Variants in SYT1 observed in about 807,000 individuals in gnomAD.
The protein encoded by SYT1 is synaptotagmin-1.
Under a neutral mutation model 44.8 loss-of-function variants are expected in SYT1, and 8 were observed. The observed-to-expected ratio is 0.18, with a 90% CI of 0.10 to 0.32. The LOEUF is 0.32. Among genes scored for constraint, SYT1 ranks in the 10% least tolerant of loss-of-function variants. The probability of loss-of-function intolerance (pLI) is 1.00; values close to 1 mark genes in which losing one functional copy is unlikely to be tolerated. For synonymous variants in SYT1, 154 were observed against 188.8 expected (o/e 0.82, Z 1.51); for missense variants, 286 against 509.3 (o/e 0.56, Z 4.22).
intron 3 of SYT1, among the ~76,000 whole-genome samples, chr12:79,066,519 G>A (rs1349995716): frequency 6.6e-6 from 1 of 151,668 alleles, no homozygotes; most frequent in African/African-American, 2.4e-5. Context: ...GTGACATGGA[G>A]GCCATATCAT....
chr12:78,994,485 CCTT>C (rs1412228669), intron 2 of SYT1, among the ~76,000 whole-genome samples: 10 of 141,092 alleles, frequency 7.1e-5, no homozygotes, highest in African/African-American at 2.7e-4. Flanking sequence ...TTTTTCTTCT[CCTT>C]TTTTTTTTTT....
intron 1 of SYT1, among the ~76,000 whole-genome samples, chr12:78,941,105 G>T (rs541427137): frequency 8.5e-6 from 1 of 118,274 alleles, no homozygotes; most frequent in Non-Finnish European, 1.6e-5. Context: ...TCGCTCTGTC[G>T]CCCAGGTGGA....
At chr12:79,180,139 C>T (rs1441380458) in intron 3 of SYT1, among the ~76,000 whole-genome samples, 1 of 151,996 alleles carries the variant, frequency 6.6e-6, no homozygotes, top group Non-Finnish European at 1.5e-5. Context: ...GCCAAATTTC[C>T]CTCTATTAGA....
At chr12:79,011,815 A>G (rs1450483231) in intron 2 of SYT1, among the ~76,000 whole-genome samples, 2 of 152,106 alleles carry the variant, frequency 1.3e-5, no homozygotes, top group Non-Finnish European at 2.9e-5. Context: ...AAATATAAAC[A>G]TAGGTTTTCT....
At position 79,049,572 on chromosome 12, in the gene SYT1, C is replaced by T. The variant is rs189547659; in HGVS notation, c.-18+2210C>T. ...TCTGACTTAAATGACATTGTCAAAA[C>T]ATAAGAGTTCTTAAAATATCTTAGC... On this transcript the variant is annotated intron_variant, in intron 3 of 10. Coordinates refer to ENST00000261205, the MANE Select transcript of SYT1 (RefSeq NM_005639.3). Among the ~76,000 whole-genome samples, 861 of 152,010 alleles carry T rather than the reference C, an allele frequency of 5.7e-3. 9 individuals carry two copies. The highest frequency in any genetic ancestry group is 8.5e-3 in the Non-Finnish European group (579 of 67,876).
chr12:79,311,671 T>C (rs1253850908), intron 8 of SYT1, among the ~76,000 whole-genome samples: 2 of 136,370 alleles, frequency 1.5e-5, no homozygotes, highest in Non-Finnish European at 3.1e-5. Context: ...ATATACACCA[T>C]GGAATACTAT....
chr12:79,276,481 T>C (rs560802850), intron 4 of SYT1, among the ~76,000 whole-genome samples: 217 of 151,784 alleles, frequency 1.4e-3, no homozygotes, highest in African/African-American at 4.9e-3. Flanking sequence ...ATCGAGACCA[T>C]CCTGGCCAAC....
At chr12:79,269,376 T>A (rs189055536) in intron 4 of SYT1, among the ~76,000 whole-genome samples, 1 of 152,194 alleles carries the variant, frequency 6.6e-6, no homozygotes, top group Admixed American at 6.5e-5. Flanking sequence ...TATCTCTAGT[T>A]TTATTTTCTG....
At chr12:78,934,536 C>T (rs1175355456) in intron 1 of SYT1, among the ~76,000 whole-genome samples, 3 of 151,912 alleles carry the variant, frequency 2.0e-5, no homozygotes, top group Non-Finnish European at 2.9e-5. Flanking sequence ...GACTCTGTCT[C>T]AAAAAACAAA....
intron 2 of SYT1, among the ~76,000 whole-genome samples, chr12:78,979,019 A>G (rs1010616039): frequency 1.3e-5 from 2 of 152,202 alleles, no homozygotes; most frequent in African/African-American, 4.8e-5. Flanking sequence ...TATCTCTTGC[A>G]GTAAGATACC....
chr12:79,353,115 T>A (rs1882978509), intron 8 of SYT1, among the ~76,000 whole-genome samples: 2 of 152,224 alleles, frequency 1.3e-5, no homozygotes, highest in Admixed American at 6.5e-5. Context: ...TTGATTCAAC[T>A]AAAGTGTTAG....
intron 3 of SYT1, among the ~76,000 whole-genome samples, chr12:79,179,680 A>G (rs1035334819): frequency 6.6e-6 from 1 of 151,634 alleles, no homozygotes; most frequent in East Asian, 1.9e-4. Flanking sequence ...TCCGCCTCCC[A>G]AAGTATTGGG....
chr12:79,155,874 A>G (rs1344059899), intron 3 of SYT1, among the ~76,000 whole-genome samples: 1 of 152,190 alleles, frequency 6.6e-6, no homozygotes, highest in Admixed American at 6.5e-5. Context: ...CTTTCAACCA[A>G]CCAACGTGAG....
intron 3 of SYT1, among the ~76,000 whole-genome samples, chr12:79,180,516 G>T (rs1469403295): frequency 6.6e-6 from 1 of 151,860 alleles, no homozygotes; most frequent in African/African-American, 2.4e-5. Flanking sequence ...TTGGCTCGGG[G>T]TTCTGCAGGC....
chr12:78,918,010 G>T (rs1555180499), intron 1 of SYT1, among the ~76,000 whole-genome samples: 1 of 151,908 alleles, frequency 6.6e-6, no homozygotes, highest in Non-Finnish European at 1.5e-5. Context: ...ATTAACACAG[G>T]TTTTTTTGCT....
intron 2 of SYT1, among the ~76,000 whole-genome samples, chr12:79,025,389 A>T (rs1319378126): frequency 6.6e-6 from 1 of 151,720 alleles, no homozygotes; most frequent in Non-Finnish European, 1.5e-5. Context: ...AGCACTGGGA[A>T]GCCTGGAAAT....
chr12:79,257,622 G>C (rs937228822), intron 4 of SYT1, among the ~76,000 whole-genome samples: 2 of 151,960 alleles, frequency 1.3e-5, no homozygotes, highest in African/African-American at 4.8e-5. Context: ...CGAGTAGCTG[G>C]GACTACAGGC....
At chr12:79,075,327 T>TTC (rs147649986) in intron 3 of SYT1, among the ~76,000 whole-genome samples, 27 of 151,356 alleles carry the variant, frequency 1.8e-4, no homozygotes, top group Admixed American at 6.6e-4. Context: ...TCACTACAAC[T>TTC]TCTCTCTCTC....
At chr12:79,221,669 A>G (rs1364663540) in intron 4 of SYT1, among the ~76,000 whole-genome samples, 4 of 152,170 alleles carry the variant, frequency 2.6e-5, no homozygotes, top group African/African-American at 9.6e-5. Context: ...TTGATCATGA[A>G]AAAACCTCTA....
Sources: allele counts gnomAD v4.1 joint callset (sites outside exome capture counted in the v4.1 genomes callset), GRCh38; gene constraint gnomAD v4.1.1; transcripts MANE v1.5; gene names NCBI Gene and HGNC (gene_info 2026-07-23, HGNC 2026-07-21).